CYP2C18: variants seen among roughly 807,000 people sequenced by gnomAD.
CYP2C18 encodes cytochrome P450 2C18.
Under a neutral mutation model 41.3 loss-of-function variants are expected in CYP2C18, and 38 were observed. That is an observed-to-expected ratio of 0.92 (90% CI 0.71 to 1.21). The LOEUF (loss-of-function observed/expected upper bound fraction) is 1.21. Ranked by LOEUF, CYP2C18 falls within the 50% of genes most tolerant of loss-of-function variation. CYP2C18 has a pLI of 0.00. For synonymous variants in CYP2C18, 236 were observed against 210.0 expected, an observed-to-expected ratio of 1.12 and a Z score of -1.07; for missense variants, 635 against 591.4, an observed-to-expected ratio of 1.07 and a Z score of -0.77.
chr10:94,721,078 A>G (rs905545410), intron 6 of CYP2C18, among the ~76,000 whole-genome samples: 1 of 151,732 alleles, frequency 6.6e-6, no homozygotes, highest in African/African-American at 2.4e-5. Flanking sequence ...CAGTGGTGCA[A>G]TCTTGGCTCA....
intron 7 of CYP2C18, among the ~76,000 whole-genome samples, chr10:94,727,623 C>CAA (rs77723790): frequency 7.1e-6 from 1 of 140,726 alleles, no homozygotes; most frequent in African/African-American, 2.6e-5. Context: ...TCAAAAAAAA[C>CAA]AAAAAAAAAA....
intron 7 of CYP2C18, among the ~76,000 whole-genome samples, chr10:94,729,306 A>G (rs1198702499): frequency 6.6e-6 from 1 of 152,166 alleles, no homozygotes; most frequent in Non-Finnish European, 1.5e-5. Flanking sequence ...AAAGAAACAG[A>G]TGACTTTTTA....
At chr10:94,727,657 T>C (rs1295747238) in intron 7 of CYP2C18, among the ~76,000 whole-genome samples, 3 of 152,108 alleles carry the variant, frequency 2.0e-5, no homozygotes, top group African/African-American at 7.2e-5. Context: ...AAATATCATG[T>C]ATTCAATTAT....
At chr10:94,719,560 C>T (rs915961030) in intron 5 of CYP2C18, among the ~76,000 whole-genome samples, 1 of 151,702 alleles carries the variant, frequency 6.6e-6, no homozygotes, top group African/African-American at 2.4e-5. Flanking sequence ...GTGCAATTCA[C>T]CTGGTTAATT....
At chr10:94,719,883 A>T (rs1360237468) in intron 5 of CYP2C18, among the ~76,000 whole-genome samples, 1 of 145,358 alleles carries the variant, frequency 6.9e-6, no homozygotes, top group African/African-American at 2.5e-5. Context: ...CAAGTTTTTG[A>T]TTTTTTTTTT....
chr10:94,735,192 A>C, intron 8 of CYP2C18, 71 bp from the exon 9 acceptor site: 1 of 1,402,648 alleles, frequency 7.1e-7, no homozygotes, highest in Non-Finnish European at 1.0e-6. Flanking sequence ...TCAAATAGTT[A>C]CTGCATACTC....
At position 94,735,288 on chromosome 10, in the gene CYP2C18, C is replaced by T. The variant is rs1290634911; in HGVS notation, c.1317C>T (p.Gly439=). Residue 439 remains glycine, a synonymous_variant, in exon 9 of 9, where the codon GGC becomes GGT. Coordinates refer to ENST00000285979, the MANE Select transcript of CYP2C18 (RefSeq NM_000772.3). ...GAAAACGGATGTGTATGGGAGAGGG[C>T]CTGGCCCGCATGGAGCTGTTTTTAT... ...SAGKRMCMGE[G]LARMELFLFL... The T allele has an allele frequency of 1.9e-6, 3 of 1,613,544 alleles. No individual in the cohort carries two copies. The highest frequency in any genetic ancestry group is 2.5e-6 in the Non-Finnish European group (3 of 1,179,648).
At chr10:94,694,168 C>A (rs1483010786) in intron 3 of CYP2C18, among the ~76,000 whole-genome samples, 2 of 152,026 alleles carry the variant, frequency 1.3e-5, no homozygotes, top group Non-Finnish European at 2.9e-5. Flanking sequence ...TAATAGACAC[C>A]ATTTCTTAGA....
At chr10:94,684,403 CTGAGTT>C (rs1358592196) in intron 1 of CYP2C18, among the ~76,000 whole-genome samples, 1 of 152,134 alleles carries the variant, frequency 6.6e-6, no homozygotes, top group Admixed American at 6.6e-5. Context: ...CTCTACTTCT[CTGAGTT>C]TAACTTTTTA....
intron 4 of CYP2C18, 151 bp from the exon 5 acceptor site, chr10:94,706,633 T>A: frequency 2.0e-6 from 1 of 508,954 alleles, no homozygotes; most frequent in Non-Finnish European, 3.5e-6. Context: ...TCTATCAGTA[T>A]AGAGGACTAC....
chr10:94,703,894 G>A lies in CYP2C18; in HGVS notation c.643-2890G>A, dbSNP rs995017076. 3.9e-5 allele frequency among the ~76,000 whole-genome samples: 6 copies of A among 152,328 alleles called. No homozygotes were observed. In the South Asian group the frequency reaches 6.2e-4, roughly 16 times the overall value. The stretch of plus-strand genomic sequence containing the variant: ...CATCTGAAGGAATCTCCTAGTTTGT[G>A]GGTTGCGACAGGTTGCGAAGACCGT... On this transcript the variant is annotated intron_variant, in intron 4 of 8. Transcript: ENST00000285979.
chr10:94,731,026 T>C (rs1344780256), intron 7 of CYP2C18, among the ~76,000 whole-genome samples: 1 of 152,084 alleles, frequency 6.6e-6, no homozygotes, highest in Admixed American at 6.6e-5. Context: ...AAATCATAGA[T>C]GACAAAAACA....
intron 4 of CYP2C18, among the ~76,000 whole-genome samples, chr10:94,699,030 A>G (rs2134184342): frequency 6.6e-6 from 1 of 152,314 alleles, no homozygotes; most frequent in South Asian, 2.1e-4. Flanking sequence ...ATGGACTCAC[A>G]GCTGAATTCT....
intron 8 of CYP2C18, among the ~76,000 whole-genome samples, chr10:94,734,014 C>T (rs1847877648): frequency 6.6e-6 from 1 of 151,992 alleles, no homozygotes. Flanking sequence ...ATTCATAGGC[C>T]ATACCACTTC....
Position 94,724,544 on chromosome 10 carries a change from T to C in CYP2C18, c.1149+11T>C. 2 of 1,611,064 alleles carry C rather than the reference T, an allele frequency of 1.2e-6. No homozygotes were observed. Among genetic ancestry groups the C allele is most frequent in the Non-Finnish European group, 1.7e-6 (2 of 1,177,460 alleles). On this transcript the variant is annotated intron_variant, in intron 7 of 8. Transcript: ENST00000285979. ...TACCTCATCCCCAAGGTAAGCTTGTTTCTCCTACACTACATCTCCATGCTC... is the reference window on the plus strand; with the variant it reads ...TACCTCATCCCCAAGGTAAGCTTGTCTCTCCTACACTACATCTCCATGCTC...
intron 5 of CYP2C18, among the ~76,000 whole-genome samples, chr10:94,717,416 G>C (rs925237406): frequency 2.6e-5 from 4 of 152,068 alleles, no homozygotes; most frequent in Admixed American, 2.6e-4. Flanking sequence ...GTCTGTAAAG[G>C]ATTTTATTTC....
At chr10:94,726,698 A>G (rs1480256120) in intron 7 of CYP2C18, among the ~76,000 whole-genome samples, 1 of 151,560 alleles carries the variant, frequency 6.6e-6, no homozygotes, top group Non-Finnish European at 1.5e-5. Context: ...ATTGACTGTA[A>G]CCTCTCTGAG....
intron 5 of CYP2C18, among the ~76,000 whole-genome samples, chr10:94,717,958 T>C (rs1202149344): frequency 6.6e-6 from 1 of 152,078 alleles, no homozygotes; most frequent in Non-Finnish European, 1.5e-5. Flanking sequence ...TCTATATGAA[T>C]TTTTTGGGGA....
chr10:94,734,166 T>G (rs1847879881), intron 8 of CYP2C18, among the ~76,000 whole-genome samples: 1 of 152,062 alleles, frequency 6.6e-6, no homozygotes, highest in Non-Finnish European at 1.5e-5. Context: ...CCAACAAATT[T>G]CAGGGTCAGG....
Sources: allele counts gnomAD v4.1 joint callset (sites outside exome capture counted in the v4.1 genomes callset), GRCh38; gene constraint gnomAD v4.1.1; transcripts MANE v1.5; gene names NCBI Gene and HGNC (gene_info 2026-07-23, HGNC 2026-07-21).